PREX1: variants seen among roughly 807,000 people sequenced by gnomAD.
PREX1 encodes the protein phosphatidylinositol-3,4,5-trisphosphate dependent Rac exchange factor 1, also known as phosphatidylinositol 3,4,5-trisphosphate-dependent Rac exchanger 1 protein.
Under a neutral mutation model 198.3 loss-of-function variants are expected in PREX1, and 41 were observed. The observed-to-expected ratio is 0.21, with a 90% CI of 0.16 to 0.27. The LOEUF (loss-of-function observed/expected upper bound fraction) is 0.27, where lower values mean the gene tolerates loss of function less well. Ranked by LOEUF, PREX1 falls within the 10% of genes least tolerant of loss-of-function variation. The probability of loss-of-function intolerance (pLI) is 1.00; values close to 1 mark genes in which losing one functional copy is unlikely to be tolerated. For missense variants in PREX1, 1,620 were observed against 2,200.7 expected (o/e 0.74, Z 5.28); for synonymous variants, 843 against 887.2 (o/e 0.95, Z 0.89).
the PREX1 span, among the ~76,000 whole-genome samples, chr20:48,846,694 G>A: frequency 2.0e-5 from 3 of 152,126 alleles, no homozygotes; most frequent in Admixed American, 2.0e-4. Context: ...AATGCCAGTG[G>A]CCCAGTTGCT....
chr20:48,845,095 T>C, the PREX1 span, among the ~76,000 whole-genome samples: 2 of 152,238 alleles, frequency 1.3e-5, no homozygotes, highest in African/African-American at 4.8e-5. Context: ...CTTTTTTCCA[T>C]TCCTTTATTC....
At position 48,771,065 on chromosome 20, in the gene PREX1, A is replaced by G. The variant is rs564819475; in HGVS notation, c.220-23185T>C. 2.0e-5 allele frequency among the ~76,000 whole-genome samples: 3 copies of G among 152,058 alleles called. No homozygotes were observed. In the East Asian group the frequency reaches 5.8e-4, roughly 29 times the overall value. ...AAATTAATAAAGTCATAGGAAGAAA[A>G]CTGGAAATCACACATTCTGACAGTG... is the stretch of plus-strand genomic sequence containing the variant. On this transcript the variant is annotated intron_variant, in intron 1 of 39. Coordinates refer to ENST00000371941, the MANE Select transcript of PREX1 (RefSeq NM_020820.4).
intron 33 of PREX1, among the ~76,000 whole-genome samples, chr20:48,633,131 C>T (rs1195420910): frequency 6.6e-6 from 1 of 152,070 alleles, no homozygotes; most frequent in African/African-American, 2.4e-5. Context: ...CATCCTGCAC[C>T]CATGGCAGAC....
chr20:48,634,103 C>G (rs55806917), intron 33 of PREX1, among the ~76,000 whole-genome samples: 30,127 of 130,456 alleles, frequency 0.23, 3,018 homozygotes, highest in Middle Eastern at 0.31. Context: ...TGGATGGATG[C>G]ATGGATGCCT....
chr20:48,719,694 G>A (rs2080894384), intron 5 of PREX1, among the ~76,000 whole-genome samples: 1 of 152,134 alleles, frequency 6.6e-6, no homozygotes, highest in African/African-American at 2.4e-5. Context: ...CAAAGGATGT[G>A]AAAAGGCAAC....
intron 3 of PREX1, among the ~76,000 whole-genome samples, chr20:48,742,818 T>C (rs901831989): frequency 1.3e-5 from 2 of 151,956 alleles, no homozygotes; most frequent in Non-Finnish European, 2.9e-5. Flanking sequence ...GTCCTCAGGG[T>C]CCAGGGCTCC....
intron 25 of PREX1, among the ~76,000 whole-genome samples, 173 bp from the exon 26 acceptor site, chr20:48,646,230 G>A (rs917983275): frequency 2.0e-5 from 3 of 152,310 alleles, no homozygotes; most frequent in African/African-American, 4.8e-5. Flanking sequence ...AGGTGAGGCA[G>A]GAAGCCTTTC....
intron 29 of PREX1, among the ~76,000 whole-genome samples, chr20:48,640,390 C>T (rs556788684): frequency 6.6e-6 from 1 of 152,324 alleles, no homozygotes; most frequent in Admixed American, 6.5e-5. Flanking sequence ...CCTCTGGCCC[C>T]ACCATTCAGA....
At chr20:48,761,431 T>C (rs2090179414) in intron 1 of PREX1, among the ~76,000 whole-genome samples, 1 of 152,242 alleles carries the variant, frequency 6.6e-6, no homozygotes, top group East Asian at 1.9e-4. Flanking sequence ...AAAGGATGTG[T>C]TTAATTAATT....
chr20:48,675,323 T>G (rs1247535338), intron 14 of PREX1, among the ~76,000 whole-genome samples: 1 of 152,224 alleles, frequency 6.6e-6, no homozygotes, highest in Non-Finnish European at 1.5e-5. Flanking sequence ...GGTCTGGAAC[T>G]CCCAACCTCC....
intron 1 of PREX1, among the ~76,000 whole-genome samples, chr20:48,764,403 C>T (rs1206600720): frequency 6.6e-6 from 1 of 152,116 alleles, no homozygotes; most frequent in Non-Finnish European, 1.5e-5. Context: ...AGGGACTCTG[C>T]AGATGTGATT....
intron 7 of PREX1, among the ~76,000 whole-genome samples, chr20:48,698,250 CTG>C (rs1436311983): frequency 2.0e-5 from 3 of 152,180 alleles, no homozygotes; most frequent in Non-Finnish European, 4.4e-5. Flanking sequence ...TCAGAATCAG[CTG>C]CTGTCCCTGC....
At chr20:48,682,929 T>C (rs946766243) in intron 10 of PREX1, among the ~76,000 whole-genome samples, 7 of 152,218 alleles carry the variant, frequency 4.6e-5, no homozygotes, top group African/African-American at 1.7e-4. Flanking sequence ...TATTTTTAGC[T>C]TCCTAGTGTT....
At chr20:48,828,346 G>A (rs554463997), upstream of PREX1, among the ~76,000 whole-genome samples, 242 of 152,110 alleles carry the variant, frequency 1.6e-3, no homozygotes, top group African/African-American at 5.4e-3. Context: ...GTCACCGCGG[G>A]CTACGCCACT....
In PREX1 at chr20:48,630,827, C is replaced by A. The variant is rs3810533; in HGVS notation, c.4527-33G>T. On this transcript the variant is annotated intron_variant, in intron 35 of 39. Transcript: ENST00000371941. ...AGAAAGATGGGAATGAGGCGGGGGC[C>A]ACCACACCCACCATCCTCCTGCCCC... 13 of 1,474,968 alleles carry A rather than the reference C, an allele frequency of 8.8e-6. No homozygotes were observed. The East Asian group carries it at 1.8e-4, about 21-fold the overall frequency. The allele number at this position is 1,474,968 out of a possible 1,614,324, so 91.4% of individuals were successfully genotyped here.
intron 1 of PREX1, among the ~76,000 whole-genome samples, chr20:48,771,110 C>T (rs1309102111): frequency 2.0e-5 from 3 of 152,038 alleles, no homozygotes. Flanking sequence ...AATATTTCAA[C>T]ATGTCACCTT....
intron 37 of PREX1, among the ~76,000 whole-genome samples, chr20:48,629,197 G>A (rs1379235669): frequency 6.6e-6 from 1 of 152,152 alleles, no homozygotes; most frequent in Non-Finnish European, 1.5e-5. Context: ...GAACTACAGG[G>A]CACAGCTCTC....
chr20:48,693,107 G>A (rs1390462939), intron 7 of PREX1, among the ~76,000 whole-genome samples: 1 of 152,214 alleles, frequency 6.6e-6, no homozygotes, highest in East Asian at 1.9e-4. Context: ...AGAAAATGAG[G>A]AAAGACCTGT....
chr20:48,715,049 A>C (rs537861436), intron 5 of PREX1, among the ~76,000 whole-genome samples: 6 of 152,246 alleles, frequency 3.9e-5, no homozygotes, highest in Non-Finnish European at 8.8e-5. Context: ...ATAAATCAGA[A>C]TAGAGTCACA....
Sources: allele counts gnomAD v4.1 joint callset (sites outside exome capture counted in the v4.1 genomes callset), GRCh38; gene constraint gnomAD v4.1.1; transcripts MANE v1.5; gene names NCBI Gene and HGNC (gene_info 2026-07-23, HGNC 2026-07-21).